The following CSMD1 variants were observed in gnomAD, a reference collection of about 807,000 sequenced individuals.
The protein encoded by CSMD1 is CUB and sushi domain-containing protein 1.
Under a neutral mutation model 417.5 loss-of-function variants are expected in CSMD1, and 213 were observed. The observed-to-expected ratio is 0.51, with a 90% CI of 0.46 to 0.57. The LOEUF (loss-of-function observed/expected upper bound fraction) is 0.57. Among genes scored for constraint, CSMD1 ranks in the 20% least tolerant of loss-of-function variants. CSMD1 has a pLI of 0.00. For synonymous variants in CSMD1, 2,862 were observed against 1,736.8 expected, an observed-to-expected ratio of 1.65 and a Z score of -16.11; for missense variants, 6,923 against 4,529.7, an observed-to-expected ratio of 1.53 and a Z score of -15.17.
intron 23 of CSMD1, among the ~76,000 whole-genome samples, chr8:3,325,850 C>G (rs775259188): frequency 1.3e-5 from 2 of 151,984 alleles, no homozygotes; most frequent in African/African-American, 2.4e-5. Context: ...AAAAACAAAA[C>G]AAAAACCCAA....
At chr8:3,531,777 C>T (rs773455634) in intron 10 of CSMD1, among the ~76,000 whole-genome samples, 1 of 152,198 alleles carries the variant, frequency 6.6e-6, no homozygotes, top group Non-Finnish European at 1.5e-5. Flanking sequence ...GATCGGGCTG[C>T]AAACATAGAT....
chr8:3,053,723 G>C (rs771573924), intron 49 of CSMD1, among the ~76,000 whole-genome samples: 3 of 152,072 alleles, frequency 2.0e-5, no homozygotes, highest in Non-Finnish European at 4.4e-5. Flanking sequence ...TATGGGACAA[G>C]AAAAAAATTC....
At chr8:4,011,269 C>A (rs752365094) in intron 4 of CSMD1, among the ~76,000 whole-genome samples, 1 of 152,154 alleles carries the variant, frequency 6.6e-6, no homozygotes. Flanking sequence ...TCTTCTCTTT[C>A]AAAACGACTA....
intron 5 of CSMD1, among the ~76,000 whole-genome samples, chr8:3,936,862 G>A (rs926670514): frequency 1.3e-5 from 2 of 152,138 alleles, no homozygotes; most frequent in African/African-American, 4.8e-5. Context: ...GATCTAGCTA[G>A]ACAAGGTAAA....
chr8:4,325,033 G>A lies in CSMD1; in HGVS notation c.415+94920C>T, dbSNP rs375382091. 1.2e-4 allele frequency among the ~76,000 whole-genome samples: 18 copies of A among 152,224 alleles called. No homozygotes were observed. In the East Asian group the frequency reaches 2.5e-3, roughly 21 times the overall value. ...ACTCATTGAGTGAGTGCTGCACTGT[G>A]GCTCCTTAAAATGGCTTGTAGTTAC... On this transcript the variant is annotated intron_variant, in intron 3 of 69. Coordinates refer to ENST00000635120, the MANE Select transcript of CSMD1 (RefSeq NM_033225.6).
At chr8:3,453,411 C>T (rs940866051) in intron 12 of CSMD1, among the ~76,000 whole-genome samples, 1 of 152,006 alleles carries the variant, frequency 6.6e-6, no homozygotes, top group Non-Finnish European at 1.5e-5. Flanking sequence ...GTTAGGATGT[C>T]AATTTTAGAT....
intron 57 of CSMD1, 25 bp downstream of exon 57, chr8:2,973,092 G>C (rs768129323): frequency 6.2e-7 from 1 of 1,601,352 alleles, no homozygotes; most frequent in Non-Finnish European, 8.5e-7. Flanking sequence ...TTTCAAGGTG[G>C]ACCTTAAGGC....
In CSMD1 at chr8:4,946,649, C is replaced by T. The variant is rs567872915; in HGVS notation, c.85+47683G>A. 2.4e-4 allele frequency among the ~76,000 whole-genome samples: 36 copies of T among 152,248 alleles called. No homozygotes were observed. The South Asian group carries it at 6.7e-3, about 28-fold the overall frequency. On this transcript the variant is annotated intron_variant, in intron 1 of 69. Coordinates refer to ENST00000635120, the MANE Select transcript of CSMD1 (RefSeq NM_033225.6). ...TTTATGCCATATTTAGAATCTGACT[C>T]CCGAATTAAAAATGAAGCAATGTGG...
intron 10 of CSMD1, among the ~76,000 whole-genome samples, chr8:3,497,442 T>C (rs1796412822): frequency 6.6e-6 from 1 of 152,188 alleles, no homozygotes. Flanking sequence ...AGTCTTGCTC[T>C]GTCACCCAGG....
chr8:4,354,766 T>C (rs926430288), intron 3 of CSMD1, among the ~76,000 whole-genome samples: 1 of 151,814 alleles, frequency 6.6e-6, no homozygotes, highest in Non-Finnish European at 1.5e-5. Context: ...TTTATAGATT[T>C]CCCCCCTCCC....
At position 4,926,952 on chromosome 8, in the gene CSMD1, C is replaced by A. The variant is rs545054681; in HGVS notation, c.85+67380G>T. On this transcript the variant is annotated intron_variant, in intron 1 of 69. Coordinates refer to ENST00000635120, the MANE Select transcript of CSMD1 (RefSeq NM_033225.6). ...CATTTACTTGGACCCAAGTTTAAAA[C>A]TAAAAAGCATTCAGCTAGAGCACAT... 4.8e-3 allele frequency among the ~76,000 whole-genome samples: 730 copies of A among 152,100 alleles called. 8 individuals are homozygous for A. The highest frequency in any genetic ancestry group is 0.017 in the African/African-American group (688 of 41,502).
intron 26 of CSMD1, among the ~76,000 whole-genome samples, chr8:3,269,386 C>T (rs867458449): frequency 1.6e-4 from 25 of 152,350 alleles, no homozygotes; most frequent in African/African-American, 6.0e-4. Flanking sequence ...GGACCATCAA[C>T]CACACAGGCT....
intron 3 of CSMD1, among the ~76,000 whole-genome samples, chr8:4,138,730 C>G (rs1441689223): frequency 1.3e-5 from 2 of 152,060 alleles, no homozygotes; most frequent in Non-Finnish European, 2.9e-5. Flanking sequence ...GCCAATTTAA[C>G]TAGAGGAAAA....
At chr8:4,220,322 G>C (rs868005054) in intron 3 of CSMD1, among the ~76,000 whole-genome samples, 1 of 152,186 alleles carries the variant, frequency 6.6e-6, no homozygotes, top group East Asian at 1.9e-4. Context: ...TTTGAAGCGT[G>C]AGAAGGAGGT....
chr8:3,825,409 A>C (rs1026790931), intron 5 of CSMD1, among the ~76,000 whole-genome samples: 4 of 152,086 alleles, frequency 2.6e-5, no homozygotes, highest in African/African-American at 4.8e-5. Context: ...GGCACCTGTA[A>C]TCCCAGGTAC....
At chr8:4,116,379 T>A (rs184965645) in intron 3 of CSMD1, among the ~76,000 whole-genome samples, 4 of 152,228 alleles carry the variant, frequency 2.6e-5, no homozygotes, top group African/African-American at 7.2e-5. Context: ...TCCAAACCCA[T>A]GGAATATACC....
At chr8:3,830,954 G>T (rs905758520) in intron 5 of CSMD1, among the ~76,000 whole-genome samples, 3 of 152,056 alleles carry the variant, frequency 2.0e-5, no homozygotes, top group Admixed American at 2.0e-4. Context: ...CTGAGGGACA[G>T]TTCACCTAGG....
intron 3 of CSMD1, among the ~76,000 whole-genome samples, chr8:4,352,134 GC>G (rs1801134516): frequency 6.6e-6 from 1 of 152,026 alleles, no homozygotes; most frequent in South Asian, 2.1e-4. Flanking sequence ...CTGGCCTGTG[GC>G]CCCAACTCAG....
chr8:3,916,001 G>A (rs765041585), intron 5 of CSMD1, among the ~76,000 whole-genome samples: 18 of 151,592 alleles, frequency 1.2e-4, no homozygotes, highest in Non-Finnish European at 2.4e-4. Context: ...TTGATATAAT[G>A]CAATTAGTTG....
Sources: gnomAD v4.1 joint callset for allele counts (sites outside exome capture counted in the v4.1 genomes callset) on GRCh38, gnomAD v4.1.1 for gene constraint, MANE v1.5 for transcripts, NCBI Gene and HGNC (gene_info 2026-07-23, HGNC 2026-07-21) for gene names.